POF1B: variants seen among roughly 807,000 people sequenced by gnomAD.
The protein encoded by POF1B is POF1B actin binding protein, also known as protein POF1B.
POF1B carries 53 observed loss-of-function variants against 55.3 expected under a neutral mutation model. That is an observed-to-expected ratio of 0.96 (90% CI 0.77 to 1.20). The LOEUF is 1.20. Among genes scored for constraint, POF1B ranks in the 50% most tolerant of loss-of-function variants. The pLI is 0.00. For synonymous variants in POF1B, 188 were observed against 148.3 expected, an observed-to-expected ratio of 1.27 and a Z score of -1.95; for missense variants, 478 against 420.5, an observed-to-expected ratio of 1.14 and a Z score of -1.20.
At chrX:85,301,357 C>CA (rs1227738188) in intron 15 of POF1B, among the ~76,000 whole-genome samples, 2 of 111,488 alleles carry the variant, frequency 1.8e-5, no homozygotes, top group African/African-American at 3.2e-5. Flanking sequence ...TTCCAAGTAA[C>CA]AAAAAAACAC....
chrX:85,360,639 G>A (rs1933599975), intron 3 of POF1B, among the ~76,000 whole-genome samples: 1 of 102,761 alleles, frequency 9.7e-6, no homozygotes, highest in South Asian at 4.5e-4. Flanking sequence ...GAACAGTGTT[G>A]CAATGAACAT....
chrX:85,351,487 A>G (rs1275115330), intron 4 of POF1B, 36 bp from the exon 5 acceptor site: 1 of 1,076,835 alleles, frequency 9.3e-7, no homozygotes, highest in Non-Finnish European at 1.3e-6. Flanking sequence ...TTGTTTTGAA[A>G]GTTGTCTTTT....
chrX:85,357,208 TTC>T (rs1331608612), intron 4 of POF1B, among the ~76,000 whole-genome samples: 1 of 111,079 alleles, frequency 9.0e-6, no homozygotes, highest in Non-Finnish European at 1.9e-5. Context: ...AAAAGATACA[TTC>T]TCTCTCTTTG....
chrX:85,364,690 T>C (rs967474805), intron 3 of POF1B, among the ~76,000 whole-genome samples: 7 of 111,597 alleles, frequency 6.3e-5, no homozygotes, highest in African/African-American at 2.3e-4. Context: ...CATTCTTTCT[T>C]TCATTTCAAC....
chrX:85,345,792 C>A, intron 6 of POF1B, 68 bp downstream of exon 6: 1 of 958,656 alleles, frequency 1.0e-6, no homozygotes, highest in Non-Finnish European at 1.4e-6. Context: ...GGAGCACCTG[C>A]ATAGTGGTAT....
At chrX:85,353,133 G>C (rs775318912) in intron 4 of POF1B, among the ~76,000 whole-genome samples, 7 of 111,223 alleles carry the variant, frequency 6.3e-5, no homozygotes, top group Admixed American at 1.9e-4. Flanking sequence ...CTCTAGTAGA[G>C]TACCTGGATT....
intron 5 of POF1B, among the ~76,000 whole-genome samples, chrX:85,346,258 C>T (rs759765600): frequency 4.6e-5 from 5 of 109,110 alleles, no homozygotes; most frequent in East Asian, 2.9e-4. Flanking sequence ...CGTGACCATC[C>T]GAATACTTAT....
intron 15 of POF1B, among the ~76,000 whole-genome samples, chrX:85,292,877 A>G (rs1932223138): frequency 8.9e-6 from 1 of 112,134 alleles, no homozygotes; most frequent in East Asian, 2.8e-4. Flanking sequence ...GGACATGAAC[A>G]GATACTTTTC....
At chrX:85,281,119 AC>A (rs1186784454) in intron 16 of POF1B, among the ~76,000 whole-genome samples, 2 of 110,345 alleles carry the variant, frequency 1.8e-5, no homozygotes, top group Non-Finnish European at 3.8e-5. Context: ...TGGGTTCCCC[AC>A]CAATGATGGG....
rs773204186 is a variant in POF1B, at chrX:85,315,500, A to AT, written c.882+206dup. 1.1e-3 allele frequency among the ~76,000 whole-genome samples: 124 copies of AT among 110,983 alleles called. 1 individual carries two copies. Among genetic ancestry groups the AT allele is most frequent in the African/African-American group, 3.4e-3 (103 of 30,686 alleles). On this transcript the variant is annotated intron_variant, in intron 8 of 16. Transcript: ENST00000262753. ...AATCATAAAGTGACAGCTGATAACA[A>AT]TTTTTTTGTGAATAATTACTAGTTT...
chrX:85,334,963 G>C (rs1933042362), intron 6 of POF1B, among the ~76,000 whole-genome samples: 1 of 111,426 alleles, frequency 9.0e-6, no homozygotes, highest in African/African-American at 3.2e-5. Context: ...CTCTTGCCTG[G>C]TTTCCCTTCA....
chrX:85,283,233 G>A (rs1005816603), intron 15 of POF1B, among the ~76,000 whole-genome samples: 7 of 110,990 alleles, frequency 6.3e-5, no homozygotes, highest in African/African-American at 2.3e-4. Context: ...TGGACGATAC[G>A]ACTAATAATG....
At chrX:85,351,049 A>C (rs1164730414) in intron 5 of POF1B, among the ~76,000 whole-genome samples, 3 of 111,886 alleles carry the variant, frequency 2.7e-5, no homozygotes, top group Non-Finnish European at 5.7e-5. Context: ...ACCAGTTTAA[A>C]GGAAAACATA....
chrX:85,377,800 C>T (rs1933945298), intron 2 of POF1B, among the ~76,000 whole-genome samples: 1 of 111,912 alleles, frequency 8.9e-6, no homozygotes, highest in Non-Finnish European at 1.9e-5. Flanking sequence ...AAAACATACT[C>T]CTAAAAATTG....
Position 85,306,238 on chromosome X carries a change from T to G in POF1B, c.1260A>C (p.Lys420Asn), listed in dbSNP as rs1362806546. The G allele has an allele frequency of 8.3e-7, 1 of 1,203,294 alleles. No homozygotes were observed. Among genetic ancestry groups the G allele is most frequent in the Non-Finnish European group, 1.1e-6 (1 of 888,320 alleles). ...AATTACGTTTACAATATTCCAGTTC[T>G]TTTAGTCTGTATTCCATGTCTGATA... The part of the protein sequence containing the change: ...HTLSDMEYRL[K>N]ELEYCKRNLE... The change falls in exon 12 of 17, where the codon AAA becomes AAC. Residue 420 changes from lysine to asparagine, a missense_variant. Transcript: ENST00000262753.
At chrX:85,293,456 G>A (rs1212706766) in intron 15 of POF1B, among the ~76,000 whole-genome samples, 1 of 111,716 alleles carries the variant, frequency 9.0e-6, no homozygotes, top group African/African-American at 3.3e-5. Flanking sequence ...CTTATAAGTG[G>A]GAGATAAATG....
chrX:85,277,940 C>T lies in POF1B; in HGVS notation c.*1481G>A, dbSNP rs996503304. ...ATAGTTAGCAGAGGAGAAACTCCTCCGTTGTTCCTACACCAAGGGAAAAAA... is the reference window on the plus strand; with the variant it reads ...ATAGTTAGCAGAGGAGAAACTCCTCTGTTGTTCCTACACCAAGGGAAAAAA... On this transcript the variant is annotated 3_prime_UTR_variant, in exon 17 of 17. Coordinates refer to ENST00000262753, the MANE Select transcript of POF1B (RefSeq NM_024921.4). The T allele has an allele frequency of 3.6e-5, 4 of 110,607 alleles. No individual in the cohort carries two copies. The Admixed American group carries it at 3.9e-4, about 11-fold the overall frequency. The allele number at this position is 110,607 out of a possible 1,213,427, so 9.1% of individuals were successfully genotyped here. A position where few individuals can be genotyped will look rare whatever the true frequency, so the allele number is the denominator to read the frequency against.
chrX:85,319,618 C>T (rs1247318583), intron 7 of POF1B, among the ~76,000 whole-genome samples: 1 of 111,102 alleles, frequency 9.0e-6, no homozygotes, highest in East Asian at 2.8e-4. Context: ...CCGTATCTAT[C>T]GAGTGATCAT....
Position 85,308,109 on chromosome X carries a change from C to T in POF1B, c.1050+15G>A, listed in dbSNP as rs1403455124. 1.8e-6 allele frequency: 2 copies of T among 1,119,279 alleles called. No homozygotes were observed. Among genetic ancestry groups the T allele is most frequent in the Non-Finnish European group, 2.4e-6 (2 of 822,108 alleles). 92.2% of individuals were successfully genotyped at this position (1,119,279 alleles called of 1,213,427 possible). A position where few individuals can be genotyped will look rare whatever the true frequency, so the allele number is the denominator to read the frequency against. ...TAACTAGAAAGGCTTTGGAAAAAAT[C>T]AAAATAAATCTTACTGTCATATCAT... On this transcript the variant is annotated intron_variant, in intron 10 of 16. Transcript: ENST00000262753.
Sources: allele counts gnomAD v4.1 joint callset (sites outside exome capture counted in the v4.1 genomes callset), GRCh38; gene constraint gnomAD v4.1.1; transcripts MANE v1.5; gene names NCBI Gene and HGNC (gene_info 2026-07-23, HGNC 2026-07-21).